EPHA5: variants seen among roughly 807,000 people sequenced by gnomAD.
EPHA5 encodes the protein EPH receptor A5.
EPHA5 carries 60 observed loss-of-function variants against 105.0 expected under a neutral mutation model. The observed-to-expected ratio is 0.57, with a 90% CI of 0.46 to 0.71. The LOEUF (loss-of-function observed/expected upper bound fraction) is 0.71. Ranked by LOEUF, EPHA5 falls within the 30% of genes least tolerant of loss-of-function variation. EPHA5 has a pLI of 0.00. For missense variants in EPHA5, 1,218 were observed against 1,274.7 expected, an observed-to-expected ratio of 0.96 and a Z score of 0.68; for synonymous variants, 513 against 449.1, an observed-to-expected ratio of 1.14 and a Z score of -1.80.
chr4:65,564,847 T>A (rs1478657493), intron 3 of EPHA5, among the ~76,000 whole-genome samples: 3 of 151,792 alleles, frequency 2.0e-5, no homozygotes, highest in African/African-American at 7.2e-5. Context: ...CAGGGGCTTC[T>A]ATTTCTCATT....
At chr4:65,349,491 G>T (rs1232817920) in intron 13 of EPHA5, among the ~76,000 whole-genome samples, 3 of 152,050 alleles carry the variant, frequency 2.0e-5, no homozygotes, top group Non-Finnish European at 4.4e-5. Context: ...AAGAGAAAGA[G>T]GTGAAGGTTT....
Position 65,542,940 on chromosome 4 carries a change from T to A in EPHA5, c.911-47397A>T, listed in dbSNP as rs1169826242. On this transcript the variant is annotated intron_variant, in intron 3 of 16. Transcript: ENST00000613740. ...AATATATGCAAATCAATAAACATAA[T>A]CCATCACATAAGCAGAACCAATTAC... Among the ~76,000 whole-genome samples the A allele has an allele frequency of 2.0e-5, 3 of 151,970 alleles. No homozygotes were observed. In the East Asian group the frequency reaches 5.8e-4, roughly 29 times the overall value.
intron 5 of EPHA5, among the ~76,000 whole-genome samples, chr4:65,429,527 A>T (rs530781891): frequency 6.6e-6 from 1 of 152,164 alleles, no homozygotes; most frequent in South Asian, 2.1e-4. Context: ...CAAAATTTTC[A>T]CAATTTAAAC....
chr4:65,356,520 C>T (rs1050688179), intron 11 of EPHA5, among the ~76,000 whole-genome samples: 1 of 151,362 alleles, frequency 6.6e-6, no homozygotes, highest in African/African-American at 2.4e-5. Context: ...GGTATTCATC[C>T]TGTAGGATTT....
chr4:65,439,472 A>G (rs1725810771), intron 5 of EPHA5, among the ~76,000 whole-genome samples: 1 of 128,500 alleles, frequency 7.8e-6, no homozygotes, highest in African/African-American at 3.1e-5. Context: ...TTGGGATACC[A>G]AGTATCAGAA....
intron 5 of EPHA5, among the ~76,000 whole-genome samples, chr4:65,429,121 A>G (rs1724735041): frequency 6.6e-6 from 1 of 152,026 alleles, no homozygotes; most frequent in Non-Finnish European, 1.5e-5. Context: ...AATAACCACA[A>G]TCCCCATTTT....
intron 3 of EPHA5, among the ~76,000 whole-genome samples, chr4:65,576,864 A>T (rs1355466715): frequency 6.6e-6 from 1 of 152,164 alleles, no homozygotes; most frequent in Non-Finnish European, 1.5e-5. Flanking sequence ...CACTACTGGG[A>T]GTTCTGACCT....
At chr4:65,357,895 C>T (rs1218011152) in intron 11 of EPHA5, among the ~76,000 whole-genome samples, 2 of 151,190 alleles carry the variant, frequency 1.3e-5, no homozygotes, top group Non-Finnish European at 3.0e-5. Flanking sequence ...TTGGTGCTAA[C>T]GTCCATCACA....
intron 3 of EPHA5, among the ~76,000 whole-genome samples, chr4:65,552,117 CT>C (rs1185564646): frequency 1.3e-5 from 2 of 152,158 alleles, no homozygotes; most frequent in African/African-American, 4.8e-5. Context: ...ACTAATAAAG[CT>C]GTCCGGCCCT....
At position 65,670,408 on chromosome 4, in the gene EPHA5, C is replaced by G. The variant is rs1750356762; in HGVS notation, c.-666G>C. On this transcript the variant is annotated 5_prime_UTR_variant, in exon 1 of 17. Transcript: ENST00000613740. ...CGGCGGCCCAGGAGCTGCTGCGGTT[C>G]CCGCTGCTCGGGGAGCAGGCGGTGT... 1 of 233,530 alleles carries G rather than the reference C, an allele frequency of 4.3e-6. No individual in the cohort carries two copies. Among genetic ancestry groups the G allele is most frequent in the African/African-American group, 2.2e-5 (1 of 45,356 alleles). The allele number at this position is 233,530 out of a possible 1,614,324, so 14.5% of individuals were successfully genotyped here.
At chr4:65,370,850 C>T (rs955122245) in intron 8 of EPHA5, among the ~76,000 whole-genome samples, 31 of 152,076 alleles carry the variant, frequency 2.0e-4, no homozygotes, top group Non-Finnish European at 2.8e-4. Flanking sequence ...AGTTCTGGAA[C>T]CTCCCGAAGC....
At chr4:65,518,996 G>A (rs1438527585) in intron 3 of EPHA5, among the ~76,000 whole-genome samples, 1 of 151,968 alleles carries the variant, frequency 6.6e-6, no homozygotes, top group Non-Finnish European at 1.5e-5. Flanking sequence ...ACCAAAGCCT[G>A]GCAGAGACAC....
chr4:65,393,904 T>C (rs1435042318), intron 8 of EPHA5, among the ~76,000 whole-genome samples: 2 of 152,176 alleles, frequency 1.3e-5, no homozygotes, highest in African/African-American at 4.8e-5. Flanking sequence ...ATACTTTCAT[T>C]AGACATTTAC....
intron 8 of EPHA5, among the ~76,000 whole-genome samples, chr4:65,384,872 C>A (rs187911791): frequency 1.4e-3 from 210 of 151,840 alleles, no homozygotes; most frequent in African/African-American, 4.8e-3. Flanking sequence ...GATGCCTACA[C>A]TGAGCAAACA....
At chr4:65,585,671 T>C (rs1433657687) in intron 3 of EPHA5, among the ~76,000 whole-genome samples, 1 of 151,846 alleles carries the variant, frequency 6.6e-6, no homozygotes, top group Non-Finnish European at 1.5e-5. Flanking sequence ...TGAAGATTAT[T>C]GGAGATTACA....
intron 3 of EPHA5, among the ~76,000 whole-genome samples, chr4:65,572,261 TTTAA>T (rs1442540540): frequency 3.3e-5 from 5 of 152,180 alleles, no homozygotes; most frequent in Non-Finnish European, 7.4e-5. Context: ...AAGAAAATAA[TTTAA>T]TTATTCTGAA....
intron 3 of EPHA5, among the ~76,000 whole-genome samples, chr4:65,505,999 G>T (rs990283293): frequency 2.0e-5 from 3 of 151,928 alleles, no homozygotes; most frequent in Non-Finnish European, 4.4e-5. Flanking sequence ...ATCCCTCCCT[G>T]CTCTGCCCAC....
intron 15 of EPHA5, among the ~76,000 whole-genome samples, chr4:65,333,156 A>G (rs11945873): frequency 0.25 from 37,646 of 151,534 alleles, 4,736 homozygotes; most frequent in East Asian, 0.34. Flanking sequence ...GGCAAAAGGA[A>G]ACTAAATATT....
intron 5 of EPHA5, among the ~76,000 whole-genome samples, 155 bp downstream of exon 5, chr4:65,490,222 C>T (rs962507816): frequency 6.6e-6 from 1 of 152,174 alleles, no homozygotes; most frequent in Non-Finnish European, 1.5e-5. Flanking sequence ...TTATTTAAAA[C>T]TGCAAAAGCG....
Sources: allele counts gnomAD v4.1 joint callset (sites outside exome capture counted in the v4.1 genomes callset), GRCh38; gene constraint gnomAD v4.1.1; transcripts MANE v1.5; gene names NCBI Gene and HGNC (gene_info 2026-07-23, HGNC 2026-07-21).